MKKS: variants seen among roughly 807,000 people sequenced by gnomAD.
MKKS encodes the protein MKKS centrosomal shuttling protein.
In MKKS, 29 loss-of-function variants were observed where a neutral mutation model predicts 33.2. That is an observed-to-expected ratio of 0.87 (90% CI 0.65 to 1.19). MKKS has a LOEUF of 1.19. Ranked by LOEUF, MKKS falls within the 50% of genes most tolerant of loss-of-function variation. MKKS has a pLI of 0.00. For missense variants in MKKS, 661 were observed against 662.3 expected, an observed-to-expected ratio of 1.00 and a Z score of 0.02; for synonymous variants, 260 against 244.0, an observed-to-expected ratio of 1.07 and a Z score of -0.61.
chr20:10,425,155 A>C (rs1349372836), intron 1 of MKKS, among the ~76,000 whole-genome samples: 1 of 152,218 alleles, frequency 6.6e-6, no homozygotes, highest in Non-Finnish European at 1.5e-5. Context: ...TATAGAAACA[A>C]GGAAAAGAGA....
chr20:10,418,856 A>G (rs1189325025), intron 2 of MKKS, among the ~76,000 whole-genome samples: 1 of 152,138 alleles, frequency 6.6e-6, no homozygotes, highest in Admixed American at 6.5e-5. Context: ...ATAAAAATCC[A>G]GCACCTAATA....
At position 10,411,779 on chromosome 20, in the gene MKKS, T is replaced by G. The variant is rs376606029; in HGVS notation, c.985+751A>C. Among the ~76,000 whole-genome samples the G allele has an allele frequency of 2.2e-4, 33 of 152,370 alleles. No homozygotes were observed. In the East Asian group the frequency reaches 6.4e-3, roughly 29 times the overall value. On this transcript the variant is annotated intron_variant, in intron 3 of 5. Transcript: ENST00000347364. ...CTTTCTGATAGATTGTCAAAGCAGT[T>G]AAAGGATACTGAAAAGTAGCTCACA...
rs765101720 is a variant in MKKS, at chr20:10,407,726, G to A, written c.1162C>T (p.Leu388Phe). 2 of 1,612,498 alleles carry A rather than the reference G, an allele frequency of 1.2e-6. No homozygotes were observed. The highest frequency in any genetic ancestry group is 1.7e-6 in the Non-Finnish European group (2 of 1,178,976). The change falls in exon 5 of 6, where the codon CTC becomes TTC. Residue 388 changes from leucine to phenylalanine, a missense_variant and splice_region_variant. By Grantham distance (22) the Leu-to-Phe change is conservative. Coordinates refer to ENST00000347364, the MANE Select transcript of MKKS (RefSeq NM_170784.3). ...RNDTAWDELK[L>F]TCQTALHVLQ... ...ACATGCAGTGCCGTCTGACACGTGAGCTAAGAAAAAACCCAAATCATCAGA... is the reference window on the plus strand; with the variant it reads ...ACATGCAGTGCCGTCTGACACGTGAACTAAGAAAAAACCCAAATCATCAGA...
At chr20:10,431,450 T>C (rs938928575) in intron 1 of MKKS, among the ~76,000 whole-genome samples, 3 of 152,100 alleles carry the variant, frequency 2.0e-5, no homozygotes, top group Non-Finnish European at 2.9e-5. Context: ...ATGATTCTTG[T>C]CCTCAAGGAG....
At chr20:10,405,733 A>G (rs905425219) in intron 5 of MKKS, 46 bp from the exon 6 acceptor site, 1 of 1,470,138 alleles carries the variant, frequency 6.8e-7, no homozygotes, top group African/African-American at 1.4e-5. Flanking sequence ...AGCAATTAAT[A>G]TAAAATGTTT....
At chr20:10,425,999 T>C (rs190873340) in intron 1 of MKKS, among the ~76,000 whole-genome samples, 34 of 152,316 alleles carry the variant, frequency 2.2e-4, no homozygotes, top group African/African-American at 7.5e-4. Flanking sequence ...ATGTCTTTTG[T>C]TAAGTTTAGA....
At chr20:10,410,913 T>C (rs1568665285) in intron 3 of MKKS, among the ~76,000 whole-genome samples, 1 of 152,020 alleles carries the variant, frequency 6.6e-6, no homozygotes, top group Non-Finnish European at 1.5e-5. Context: ...TGGCTATTAA[T>C]GCCATGTTTA....
Position 10,412,593 on chromosome 20 carries a change from G to T in MKKS, c.922C>A (p.His308Asn), listed in dbSNP as rs1600848359. ...HPSLKQFLNM[H>N]RIIAIDRIGV... The stretch of plus-strand genomic sequence containing the variant: ...ATTCTGTCTATGGCAATAATACGAT[G>T]CATATTGAGAAACTGCTTCAAAGAT... Residue 308 changes from histidine (H) to asparagine (N), a missense_variant, in exon 3 of 6, where the codon CAT becomes AAT. His to Asn is a moderately conservative substitution (Grantham distance 68). Coordinates refer to ENST00000347364, the MANE Select transcript of MKKS (RefSeq NM_170784.3). 2 of 1,613,932 alleles carry T rather than the reference G, an allele frequency of 1.2e-6. No individual in the cohort carries two copies. The highest frequency in any genetic ancestry group is 1.7e-6 in the Non-Finnish European group (2 of 1,179,832).
intron 5 of MKKS, among the ~76,000 whole-genome samples, chr20:10,406,781 G>A (rs186678861): frequency 8.9e-4 from 136 of 152,182 alleles, no homozygotes; most frequent in Non-Finnish European, 1.3e-3. Context: ...ATACATTATT[G>A]TCCATTCAGC....
At chr20:10,415,122 A>ACACAAT (rs2064928070) in intron 2 of MKKS, among the ~76,000 whole-genome samples, 1 of 152,250 alleles carries the variant, frequency 6.6e-6, no homozygotes, top group South Asian at 2.1e-4. Flanking sequence ...GCCTTGAGGC[A>ACACAAT]TAAATTCCTG....
chr20:10,428,843 CAATAAATA>C (rs112459810), intron 1 of MKKS, among the ~76,000 whole-genome samples: 1 of 151,056 alleles, frequency 6.6e-6, no homozygotes, highest in East Asian at 1.9e-4. Context: ...GACTCCGTCT[CAATAAATA>C]AATAAATAAA....
intron 5 of MKKS, among the ~76,000 whole-genome samples, chr20:10,406,524 G>A (rs2064845451): frequency 6.6e-6 from 1 of 152,194 alleles, no homozygotes; most frequent in South Asian, 2.1e-4. Context: ...TAGCTTAGGA[G>A]TGTGGTAGGC....
intron 1 of MKKS, among the ~76,000 whole-genome samples, chr20:10,432,172 C>T (rs1469072269): frequency 6.6e-6 from 1 of 152,214 alleles, no homozygotes; most frequent in African/African-American, 2.4e-5. Context: ...AAAAGCCTGG[C>T]CCTTCTCTTC....
At chr20:10,417,095 C>A (rs1458803073) in intron 2 of MKKS, among the ~76,000 whole-genome samples, 3 of 151,712 alleles carry the variant, frequency 2.0e-5, no homozygotes, top group Non-Finnish European at 2.9e-5. Context: ...TAAAAAAATA[C>A]AAAAAACTAG....
At chr20:10,406,827 G>A (rs2064847297) in intron 5 of MKKS, among the ~76,000 whole-genome samples, 1 of 152,114 alleles carries the variant, frequency 6.6e-6, no homozygotes, top group African/African-American at 2.4e-5. Flanking sequence ...TTTCCATAAT[G>A]TATATTCTGA....
Position 10,427,654 on chromosome 20 carries a change from G to A in MKKS, c.-649+6454C>T, listed in dbSNP as rs144169351. Among the ~76,000 whole-genome samples the A allele has an allele frequency of 2.2e-3, 331 of 152,292 alleles. 1 individual carries two copies. Among genetic ancestry groups the A allele is most frequent in the African/African-American group, 7.2e-3 (301 of 41,534 alleles). On this transcript the variant is annotated intron_variant, in intron 1 of 5. Coordinates refer to ENST00000347364, the MANE Select transcript of MKKS (RefSeq NM_170784.3). ...GTGTACACAATAGAAAAGACTGCAC[G>A]TGGTCTTCAACTGTGCTATGAAATG...
intron 1 of MKKS, among the ~76,000 whole-genome samples, chr20:10,421,175 T>C (rs1053916684): frequency 6.6e-6 from 1 of 152,148 alleles, no homozygotes; most frequent in South Asian, 2.1e-4. Flanking sequence ...CACGCCTGTA[T>C]TCCCAGCACT....
chr20:10,413,142 T>G lies in MKKS; in HGVS notation c.373A>C (p.Ser125Arg), dbSNP rs1716935465. 1 of 1,614,112 alleles carries G rather than the reference T, an allele frequency of 6.2e-7. No homozygotes were observed. The highest frequency in any genetic ancestry group is 8.5e-7 in the Non-Finnish European group (1 of 1,180,034). ...GACTTGAGATAACTGATGCAAAGACTCAAAAGATGTTTATTTAATCTAATG... is the reference window on the plus strand; with the variant it reads ...GACTTGAGATAACTGATGCAAAGACGCAAAAGATGTTTATTTAATCTAATG... ...TVIRLNKHLL[S>R]LCISYLKSET... The change falls in exon 3 of 6, where the codon AGT (serine) becomes CGT (arginine). Residue 125 changes from serine to arginine, a missense_variant. Physicochemically the swap from Ser to Arg is moderately radical, Grantham distance 110. Transcript: ENST00000347364.
In MKKS at chr20:10,413,219, CA is replaced by C; in HGVS notation, c.295del (p.Cys99AlafsTer4). 6.2e-7 allele frequency: 1 copy of C among 1,614,186 alleles called. No homozygotes were observed. On this transcript the variant is annotated frameshift_variant, in exon 3 of 6. Transcript: ENST00000347364. LOFTEE classifies it high-confidence loss of function. ...SDCGLFTAIL[C>X]CNLIENVQRL... Reference sequence around the variant, plus strand: ...CTGAACATTTTCAATCAGGTTGCAGCAAAGAATAGCTGTGAATAAGCCACAA... The same window carrying C: ...CTGAACATTTTCAATCAGGTTGCAGCAAGAATAGCTGTGAATAAGCCACAA...
Sources: gnomAD v4.1 joint callset for allele counts (sites outside exome capture counted in the v4.1 genomes callset) on GRCh38, gnomAD v4.1.1 for gene constraint, MANE v1.5 for transcripts, NCBI Gene and HGNC (gene_info 2026-07-23, HGNC 2026-07-21) for gene names.